The following USPL1 variants were observed in gnomAD, a reference collection of about 807,000 sequenced individuals.
USPL1 encodes ubiquitin specific peptidase like 1, also known as SUMO-specific isopeptidase USPL1.
Under a neutral mutation model 51.5 loss-of-function variants are expected in USPL1, and 27 were observed. That is an observed-to-expected ratio of 0.52 (90% CI 0.39 to 0.72). The LOEUF (loss-of-function observed/expected upper bound fraction) is 0.72. USPL1 is among the 30% of genes least tolerant of loss of function. The pLI is 0.00. For missense variants in USPL1, 1,226 were observed against 1,268.0 expected (o/e 0.97, Z 0.50); for synonymous variants, 451 against 459.6 (o/e 0.98, Z 0.24).
chr13:30,658,099 A>C lies in USPL1; in HGVS notation c.2022A>C (p.Val674=). The part of the protein sequence containing the change: ...QSVQLNTEDT[V]NTKSVNNTDA... The stretch of plus-strand genomic sequence containing the variant: ...TACAGCTGAATACAGAAGATACTGT[A>C]AATACTAAATCTGTGAATAATACTG... Residue 674 remains valine, a synonymous_variant, in exon 9 of 9, where the codon GTA becomes GTC. Transcript: ENST00000255304. The C allele has an allele frequency of 6.2e-7, 1 of 1,613,568 alleles. No homozygotes were observed. Among genetic ancestry groups the C allele is most frequent in the Non-Finnish European group, 8.5e-7 (1 of 1,180,000 alleles).
intron 7 of USPL1, among the ~76,000 whole-genome samples, chr13:30,651,935 G>C (rs1030252841): frequency 5.9e-5 from 9 of 151,898 alleles, no homozygotes; most frequent in African/African-American, 2.2e-4. Context: ...CAACCTGGGT[G>C]ACAGAGCTAG....
intron 4 of USPL1, among the ~76,000 whole-genome samples, chr13:30,632,976 C>A (rs1039611456): frequency 1.6e-5 from 2 of 126,418 alleles, no homozygotes; most frequent in East Asian, 4.6e-4. Flanking sequence ...TTTACCTATG[C>A]GTTTCCTCCC....
At chr13:30,646,453 G>T (rs1176676387) in intron 6 of USPL1, among the ~76,000 whole-genome samples, 2 of 152,066 alleles carry the variant, frequency 1.3e-5, no homozygotes, top group Non-Finnish European at 1.5e-5. Flanking sequence ...GTAATGGCTA[G>T]CCAGTTTGAG....
chr13:30,641,042 C>T (rs946386260), intron 5 of USPL1, among the ~76,000 whole-genome samples: 3 of 152,256 alleles, frequency 2.0e-5, no homozygotes, highest in South Asian at 2.1e-4. Context: ...TTCTCAGAAC[C>T]GGGAGAATAT....
intron 5 of USPL1, among the ~76,000 whole-genome samples, chr13:30,639,214 CA>C (rs1950913385): frequency 1.5e-5 from 2 of 132,794 alleles, no homozygotes; most frequent in South Asian, 4.8e-4. Flanking sequence ...GACTCCGTCT[CA>C]AAAAATGTAT....
chr13:30,657,124 CTT>C (rs905021159), intron 8 of USPL1, among the ~76,000 whole-genome samples: 6 of 152,156 alleles, frequency 3.9e-5, no homozygotes, highest in African/African-American at 1.4e-4. Context: ...CTCATTCTCT[CTT>C]GACAAATGTG....
intron 6 of USPL1, 85 bp from the exon 7 acceptor site, chr13:30,646,847 A>C (rs1278061735): frequency 7.0e-7 from 1 of 1,428,298 alleles, no homozygotes; most frequent in African/African-American, 1.4e-5. Flanking sequence ...AATCACGAAA[A>C]AGGGGAGGAA....
chr13:30,623,553 G>C (rs1950671497), intron 3 of USPL1, among the ~76,000 whole-genome samples: 1 of 152,156 alleles, frequency 6.6e-6, no homozygotes, highest in Non-Finnish European at 1.5e-5. Flanking sequence ...TTCCGTTACA[G>C]AGCTAAAAGT....
rs192692278 is a variant in USPL1 at position 30,656,813 on chromosome 13, A to G, written c.1397-661A>G. ...TACACAAGGATTCCAATTTCTCTAC[A>G]TCCTTGCCAACATTTGCTATTTTCT... is the stretch of plus-strand genomic sequence containing the variant. On this transcript the variant is annotated intron_variant, in intron 8 of 8. Coordinates refer to ENST00000255304, the MANE Select transcript of USPL1 (RefSeq NM_005800.5). Among the ~76,000 whole-genome samples the G allele has an allele frequency of 8.6e-5, 13 of 151,402 alleles. No homozygotes were observed. In the East Asian group the frequency reaches 2.3e-3, roughly 27 times the overall value.
chr13:30,641,896 C>G (rs1266760928), intron 5 of USPL1, among the ~76,000 whole-genome samples: 2 of 151,930 alleles, frequency 1.3e-5, no homozygotes, highest in South Asian at 4.2e-4. Flanking sequence ...TGTAGCAAAC[C>G]ATTTCCATAA....
At position 30,638,802 on chromosome 13, in the gene USPL1, A is replaced by G. The variant is rs140511074; in HGVS notation, c.982+945A>G. Among the ~76,000 whole-genome samples the G allele has an allele frequency of 7.4e-3, 1,120 of 150,922 alleles. 53 individuals carry two copies. The highest frequency in any genetic ancestry group is 0.062 in the Admixed American group (944 of 15,148). ...AATGATATTTATATTTTATAATAAA[A>G]TCAGTTGTTGCTACTGATTTGTCTA... On this transcript the variant is annotated intron_variant, in intron 5 of 8. Coordinates refer to ENST00000255304, the MANE Select transcript of USPL1 (RefSeq NM_005800.5).
Position 30,657,687 on chromosome 13 carries a change from G to C in USPL1, c.1610G>C (p.Gly537Ala). Residue 537 changes from glycine to alanine, a missense_variant, in exon 9 of 9, where the codon GGT (glycine) becomes GCT (alanine). Coordinates refer to ENST00000255304, the MANE Select transcript of USPL1 (RefSeq NM_005800.5). ...KPVSLTSCSVGDAASAETASV... is the reference protein window; with the variant it reads ...KPVSLTSCSVADAASAETASV... Reference sequence around the variant, plus strand: ...GTATCTTTAACATCGTGTTCTGTGGGTGATGCTGCCTCAGCTGAAACAGCC... The same window carrying C: ...GTATCTTTAACATCGTGTTCTGTGGCTGATGCTGCCTCAGCTGAAACAGCC... 6.2e-7 allele frequency: 1 copy of C among 1,614,132 alleles called. No homozygotes were observed. Among genetic ancestry groups the C allele is most frequent in the Non-Finnish European group, 8.5e-7 (1 of 1,179,998 alleles).
chr13:30,637,893 A>C, intron 5 of USPL1, 36 bp downstream of exon 5: 4 of 1,405,878 alleles, frequency 2.8e-6, no homozygotes, highest in Non-Finnish European at 4.0e-6. Flanking sequence ...TATTATACTC[A>C]TCTACCATAT....
In USPL1 at chr13:30,643,273, T is replaced by C. The variant is rs141760408; in HGVS notation, c.1112+516T>C. The stretch of plus-strand genomic sequence containing the variant: ...AGCGTATTAGAAAGGCCATGATCGA[T>C]GTACCTGTTACCTTCAGGCTTTGCA... On this transcript the variant is annotated intron_variant, in intron 6 of 8. Transcript: ENST00000255304. 7.5e-3 allele frequency among the ~76,000 whole-genome samples: 1,146 copies of C among 152,338 alleles called. 9 individuals carry two copies. The highest frequency in any genetic ancestry group is 0.011 in the Non-Finnish European group (765 of 68,030).
Position 30,659,372 on chromosome 13 carries a change from C to T in USPL1, c.*16C>T. On this transcript the variant is annotated 3_prime_UTR_variant, in exon 9 of 9. Coordinates refer to ENST00000255304, the MANE Select transcript of USPL1 (RefSeq NM_005800.5). ...GAATTATTGAATTAATGCTTGTTAA[C>T]TTTTTTCATATAATATTTATTATTA... is the stretch of plus-strand genomic sequence containing the variant. 6.5e-7 allele frequency: 1 copy of T among 1,535,662 alleles called. No homozygotes were observed. The highest frequency in any genetic ancestry group is 8.8e-7 in the Non-Finnish European group (1 of 1,142,398).
chr13:30,651,290 A>G (rs1218027099), intron 7 of USPL1, among the ~76,000 whole-genome samples: 3 of 152,194 alleles, frequency 2.0e-5, no homozygotes, highest in East Asian at 3.8e-4. Context: ...TCTGAATCTC[A>G]TAGCAGACTT....
chr13:30,626,867 A>G (rs1165995452), intron 3 of USPL1, among the ~76,000 whole-genome samples: 1 of 152,058 alleles, frequency 6.6e-6, no homozygotes, highest in Non-Finnish European at 1.5e-5. Context: ...TTAAAAACCC[A>G]TGAAATTTAT....
At chr13:30,625,695 G>A (rs1288974370) in intron 3 of USPL1, among the ~76,000 whole-genome samples, 2 of 151,906 alleles carry the variant, frequency 1.3e-5, no homozygotes, top group Non-Finnish European at 2.9e-5. Flanking sequence ...CACCCACCTC[G>A]GCCTCCCAAA....
At chr13:30,647,648 G>A (rs866836426) in intron 7 of USPL1, among the ~76,000 whole-genome samples, 8 of 152,024 alleles carry the variant, frequency 5.3e-5, no homozygotes, top group East Asian at 1.9e-4. Context: ...ATCTCAGGCC[G>A]TTTCCCTCTG....
Sources: gnomAD v4.1 joint callset for allele counts (sites outside exome capture counted in the v4.1 genomes callset) on GRCh38, gnomAD v4.1.1 for gene constraint, MANE v1.5 for transcripts, NCBI Gene and HGNC (gene_info 2026-07-23, HGNC 2026-07-21) for gene names.